The following FAM200B variants were observed in gnomAD, a reference collection of about 807,000 sequenced individuals.
FAM200B encodes the protein protein FAM200B.
A neutral mutation model predicts 33.1 loss-of-function variants in FAM200B; 32 were observed. The ratio of observed to expected loss-of-function variants is 0.97; its 90% confidence interval spans 0.73 to 1.30. The LOEUF (loss-of-function observed/expected upper bound fraction) is 1.30. Among genes scored for constraint, FAM200B ranks in the 50% most tolerant of loss-of-function variants. The pLI is 0.00. For missense variants in FAM200B, 741 were observed against 754.0 expected, an observed-to-expected ratio of 0.98 and a Z score of 0.20; for synonymous variants, 240 against 264.8, an observed-to-expected ratio of 0.91 and a Z score of 0.91.
Position 15,688,899 on chromosome 4 carries a change from C to G in FAM200B, c.1922C>G (p.Ser641Cys), listed in dbSNP as rs1376196283. The change falls in exon 2 of 2, where the codon TCC (serine) becomes TGC (cysteine). Residue 641 changes from serine to cysteine, a missense_variant. By Grantham distance (112) the Ser-to-Cys change is moderately radical. Coordinates refer to ENST00000422728, the MANE Select transcript of FAM200B (RefSeq NM_001145191.2). The part of the protein sequence containing the change: ...CAAVMRVALS[S>C]CVPDWNELMN... Reference sequence around the variant, plus strand: ...GCAGTTATGCGGGTAGCATTATCTTCCTGTGTTCCAGACTGGAATGAACTT... The same window carrying G: ...GCAGTTATGCGGGTAGCATTATCTTGCTGTGTTCCAGACTGGAATGAACTT... 3.2e-6 allele frequency: 5 copies of G among 1,547,606 alleles called. No homozygotes were observed. The highest frequency in any genetic ancestry group is 3.5e-6 in the Non-Finnish European group (4 of 1,144,656).
At chr4:15,677,665 G>A (rs1243965768), upstream of FAM200B, among the ~76,000 whole-genome samples, 2 of 152,196 alleles carry the variant, frequency 1.3e-5, no homozygotes, top group African/African-American at 2.4e-5. Flanking sequence ...GGGCATGAAA[G>A]TTTTGCACCC....
chr4:15,668,078 CAACTT>C, the FAM200B span, among the ~76,000 whole-genome samples: 3 of 150,474 alleles, frequency 2.0e-5, no homozygotes, highest in African/African-American at 4.9e-5. Flanking sequence ...ATTTAACTAT[CAACTT>C]AATCGAAAAG....
At chr4:15,662,104 T>G in the FAM200B span, among the ~76,000 whole-genome samples, 38 of 152,350 alleles carry the variant, frequency 2.5e-4, no homozygotes, top group South Asian at 7.7e-3. Context: ...CTCATGCCTA[T>G]GCTACTGGTC....
Position 15,689,970 on chromosome 4 carries a change from G to A in FAM200B, c.*1019G>A, listed in dbSNP as rs1315211342. The A allele has an allele frequency of 1.8e-5, 3 of 166,994 alleles. No homozygotes were observed. Among genetic ancestry groups the A allele is most frequent in the African/African-American group, 7.2e-5 (3 of 41,412 alleles). The allele number at this position is 166,994 out of a possible 1,614,324, so 10.3% of individuals were successfully genotyped here. A position where few individuals can be genotyped will look rare whatever the true frequency, so the allele number is the denominator to read the frequency against. ...TTACTGTTATTCTTCCATAGTAGGG[G>A]AGGTGATATCCATTTGCCTGATACA... On this transcript the variant is annotated 3_prime_UTR_variant, in exon 2 of 2. Transcript: ENST00000422728.
the FAM200B span, among the ~76,000 whole-genome samples, chr4:15,660,996 A>G: frequency 6.6e-6 from 1 of 152,076 alleles, no homozygotes; most frequent in Non-Finnish European, 1.5e-5. Flanking sequence ...AGAATCACTT[A>G]AACCTGAGAG....
chr4:15,685,784 A>G (rs1373310134), intron 1 of FAM200B, among the ~76,000 whole-genome samples: 1 of 152,192 alleles, frequency 6.6e-6, no homozygotes, highest in Non-Finnish European at 1.5e-5. Context: ...CTCCCAAAAA[A>G]TTTGAGATAA....
chr4:15,688,743 A>G lies in FAM200B; in HGVS notation c.1766A>G (p.Glu589Gly). The G allele has an allele frequency of 6.4e-7, 1 of 1,550,586 alleles. No individual in the cohort carries two copies. Among genetic ancestry groups the G allele is most frequent in the Non-Finnish European group, 8.7e-7 (1 of 1,146,106 alleles). The change falls in exon 2 of 2, where the codon GAA becomes GGA. Residue 589 changes from glutamate (E) to glycine (G), a missense_variant. Transcript: ENST00000422728. ...TCAGCATTTTGGATGAAGGTAAAGG[A>G]AGACTTTCCATTGTTAAGTAGAAAG... ...SLSAFWMKVK[E>G]DFPLLSRKSV...
rs1485165996 is a variant in FAM200B, at chr4:15,687,981, C to G, written c.1004C>G (p.Ser335Cys). The stretch of plus-strand genomic sequence containing the variant: ...TTTATACATCGTGAAGGTTTAGCAT[C>G]CAGAGAAATTCCACAGAATCTCATG... ...HCFIHREGLA[S>C]REIPQNLMEV... The change falls in exon 2 of 2, where the codon TCC (serine) becomes TGC (cysteine). Residue 335 changes from serine (S) to cysteine (C), a missense_variant. Coordinates refer to ENST00000422728, the MANE Select transcript of FAM200B (RefSeq NM_001145191.2). 3.2e-6 allele frequency: 5 copies of G among 1,550,604 alleles called. No homozygotes were observed. The highest frequency in any genetic ancestry group is 4.4e-6 in the Non-Finnish European group (5 of 1,146,136).
At chr4:15,645,743 T>C in the FAM200B span, among the ~76,000 whole-genome samples, 1 of 152,232 alleles carries the variant, frequency 6.6e-6, no homozygotes, top group Non-Finnish European at 1.5e-5. Flanking sequence ...TCTTTCTTAA[T>C]GTGTTAATCT....
At chr4:15,664,550 CTTTTTTTTTTTT>C in the FAM200B span, among the ~76,000 whole-genome samples, 3 of 75,522 alleles carry the variant, frequency 4.0e-5, no homozygotes, top group Middle Eastern at 0.015. Context: ...GGCCCTCATC[CTTTTTTTTTTTT>C]TTTTTTTTTT....
upstream of FAM200B, among the ~76,000 whole-genome samples, chr4:15,680,010 T>C (rs568088862): frequency 6.6e-6 from 1 of 152,282 alleles, no homozygotes; most frequent in South Asian, 2.1e-4. Context: ...TACGCGTGAT[T>C]TACTGTATAA....
chr4:15,646,310 G>C, the FAM200B span, among the ~76,000 whole-genome samples: 2 of 151,416 alleles, frequency 1.3e-5, no homozygotes, highest in Non-Finnish European at 2.9e-5. Flanking sequence ...GTGATGCTTG[G>C]CTCTTAAGCC....
At chr4:15,649,691 T>C in the FAM200B span, among the ~76,000 whole-genome samples, 4 of 151,860 alleles carry the variant, frequency 2.6e-5, no homozygotes, top group Non-Finnish European at 5.9e-5. Flanking sequence ...CCTTCACATA[T>C]AGACTTTATG....
chr4:15,645,847 C>T, the FAM200B span, among the ~76,000 whole-genome samples: 1 of 152,146 alleles, frequency 6.6e-6, no homozygotes, highest in Admixed American at 6.5e-5. Context: ...ATTAAATATT[C>T]ATTTTTTATA....
the FAM200B span, among the ~76,000 whole-genome samples, chr4:15,657,808 C>T: frequency 2.0e-5 from 3 of 152,142 alleles, no homozygotes; most frequent in East Asian, 5.8e-4. Flanking sequence ...GTATCATTAC[C>T]ATAGGTTACT....
chr4:15,662,549 C>T, the FAM200B span, among the ~76,000 whole-genome samples: 1 of 152,128 alleles, frequency 6.6e-6, no homozygotes, highest in Non-Finnish European at 1.5e-5. Context: ...ATCAGATATG[C>T]ATTGTTCCTT....
chr4:15,662,966 C>T, the FAM200B span, among the ~76,000 whole-genome samples: 1 of 152,216 alleles, frequency 6.6e-6, no homozygotes, highest in African/African-American at 2.4e-5. Context: ...AGCATATTGA[C>T]CTAGTGTGCA....
chr4:15,673,828 T>G, the FAM200B span, among the ~76,000 whole-genome samples: 1 of 152,194 alleles, frequency 6.6e-6, no homozygotes, highest in Non-Finnish European at 1.5e-5. Context: ...GGGATTCCAC[T>G]AGGCTGCATA....
At chr4:15,647,284 C>CAAT in the FAM200B span, among the ~76,000 whole-genome samples, 1 of 134,152 alleles carries the variant, frequency 7.5e-6, no homozygotes, top group East Asian at 2.2e-4. Flanking sequence ...ACAACAACAA[C>CAAT]AAAAAACAAT....
Sources: gnomAD v4.1 joint callset for allele counts (sites outside exome capture counted in the v4.1 genomes callset) on GRCh38, gnomAD v4.1.1 for gene constraint, MANE v1.5 for transcripts, NCBI Gene and HGNC (gene_info 2026-07-23, HGNC 2026-07-21) for gene names.